CEP112: variants seen among roughly 807,000 people sequenced by gnomAD.
CEP112 encodes centrosomal protein of 112 kDa.
A neutral mutation model predicts 153.0 loss-of-function variants in CEP112; 127 were observed. The observed-to-expected ratio is 0.83, with a 90% CI of 0.72 to 0.96. CEP112 has a LOEUF of 0.96. Ranked by LOEUF, CEP112 falls within the 40% of genes least tolerant of loss-of-function variation. CEP112 has a pLI of 0.00. For synonymous variants in CEP112, 358 were observed against 374.4 expected (o/e 0.96, Z 0.51); for missense variants, 1,089 against 1,101.2 (o/e 0.99, Z 0.16).
At chr17:65,655,610 CT>C (rs2046024696) in intron 24 of CEP112, among the ~76,000 whole-genome samples, 1 of 152,036 alleles carries the variant, frequency 6.6e-6, no homozygotes. Flanking sequence ...TGCTTCTTTT[CT>C]GATAATTTAC....
chr17:65,956,293 C>T (rs2061998152), intron 18 of CEP112, among the ~76,000 whole-genome samples: 1 of 152,030 alleles, frequency 6.6e-6, no homozygotes, highest in African/African-American at 2.4e-5. Flanking sequence ...GAAAAAGATA[C>T]TTGCACATGC....
At position 65,937,645 on chromosome 17, in the gene CEP112, C is replaced by T. The variant is rs1273208877; in HGVS notation, c.1873-9956G>A. 5.9e-4 allele frequency among the ~76,000 whole-genome samples: 58 copies of T among 97,552 alleles called. 3 individuals carry two copies. Among genetic ancestry groups the T allele is most frequent in the South Asian group, 1.3e-3 (2 of 1,534 alleles). 64.0% of individuals were successfully genotyped at this position (97,552 alleles called of 152,430 possible). A position where few individuals can be genotyped will look rare whatever the true frequency, so the allele number is the denominator to read the frequency against. ...GGGGTCAGCCCCCCGCCCGGCCAGC[C>T]GCCCTGTCCGGGAGGTGAGGGGCGC... On this transcript the variant is annotated intron_variant, in intron 18 of 26. Transcript: ENST00000535342.
chr17:65,949,673 C>T (rs1392837323), intron 18 of CEP112, among the ~76,000 whole-genome samples: 2 of 152,198 alleles, frequency 1.3e-5, no homozygotes, highest in East Asian at 1.9e-4. Context: ...GAAGTAAGAT[C>T]GAATACAGAC....
intron 23 of CEP112, among the ~76,000 whole-genome samples, chr17:65,714,965 T>C (rs2049415924): frequency 1.3e-5 from 2 of 151,950 alleles, no homozygotes; most frequent in Admixed American, 1.3e-4. Flanking sequence ...GATTGACTTA[T>C]TTGCAACGGT....
intron 6 of CEP112, among the ~76,000 whole-genome samples, chr17:66,098,601 A>G (rs1279837816): frequency 6.6e-6 from 1 of 152,250 alleles, no homozygotes; most frequent in Non-Finnish European, 1.5e-5. Flanking sequence ...ATATAGCAAT[A>G]GACAGGATAT....
chr17:65,699,545 T>C (rs1298290560), intron 23 of CEP112, among the ~76,000 whole-genome samples: 1 of 152,220 alleles, frequency 6.6e-6, no homozygotes, highest in Non-Finnish European at 1.5e-5. Context: ...TCCCTTTTGC[T>C]AAGTCCCTTC....
At chr17:65,951,989 A>T (rs2061851373) in intron 18 of CEP112, among the ~76,000 whole-genome samples, 1 of 152,110 alleles carries the variant, frequency 6.6e-6, no homozygotes, top group East Asian at 1.9e-4. Context: ...CCCATTAGTT[A>T]TTTAAAAGTG....
chr17:65,711,635 G>A (rs1329926007), intron 23 of CEP112, among the ~76,000 whole-genome samples: 2 of 152,196 alleles, frequency 1.3e-5, no homozygotes, highest in African/African-American at 2.4e-5. Flanking sequence ...GCACTCTCCA[G>A]CTTTTTAGAA....
intron 25 of CEP112, among the ~76,000 whole-genome samples, chr17:65,639,643 C>T (rs1369574486): frequency 6.8e-6 from 1 of 147,448 alleles, no homozygotes; most frequent in Non-Finnish European, 1.5e-5. Context: ...TGAGATAGCA[C>T]CACTGAACTC....
intron 21 of CEP112, among the ~76,000 whole-genome samples, chr17:65,821,538 ATATTTTTTTTTTTTTTTT>A (rs1428919358): frequency 1.8e-4 from 7 of 39,140 alleles, no homozygotes; most frequent in South Asian, 1.4e-3. Flanking sequence ...ATATATATAT[ATATTTTTTTTTTTTTTTT>A]TTTTTTTTTT....
intron 23 of CEP112, among the ~76,000 whole-genome samples, chr17:65,693,605 A>T (rs1472361894): frequency 6.6e-6 from 1 of 152,190 alleles, no homozygotes; most frequent in Non-Finnish European, 1.5e-5. Flanking sequence ...AGGCTTTAAG[A>T]TGGAGTGACC....
chr17:65,755,002 G>A lies in CEP112; in HGVS notation c.2395-4278C>T, dbSNP rs1437784856. Among the ~76,000 whole-genome samples the A allele has an allele frequency of 2.6e-5, 4 of 151,946 alleles. No homozygotes were observed. The East Asian group carries it at 7.7e-4, about 29-fold the overall frequency. On this transcript the variant is annotated intron_variant, in intron 21 of 26. Transcript: ENST00000535342. ...GGGCTTGATACCTAGGTATGGGTTGGTCTGTGCAGCAAACCACCATGGCAC... is the reference window on the plus strand; with the variant it reads ...GGGCTTGATACCTAGGTATGGGTTGATCTGTGCAGCAAACCACCATGGCAC...
At chr17:65,931,225 T>C (rs917196070) in intron 18 of CEP112, among the ~76,000 whole-genome samples, 5 of 152,240 alleles carry the variant, frequency 3.3e-5, no homozygotes, top group African/African-American at 4.8e-5. Flanking sequence ...GTCTATCTCA[T>C]AGAAATCCAA....
chr17:65,640,160 T>A (rs1288281280), intron 25 of CEP112, among the ~76,000 whole-genome samples: 93 of 124,972 alleles, frequency 7.4e-4, no homozygotes, highest in African/African-American at 3.3e-3. Context: ...ATATATTTTT[T>A]TTTTTTTTTT....
At chr17:65,895,138 T>C (rs553125537) in intron 20 of CEP112, among the ~76,000 whole-genome samples, 5 of 152,210 alleles carry the variant, frequency 3.3e-5, no homozygotes, top group Non-Finnish European at 5.9e-5. Flanking sequence ...TTGGGCAATT[T>C]ATTTATGCTT....
intron 4 of CEP112, among the ~76,000 whole-genome samples, chr17:66,153,511 G>C (rs868759496): frequency 6.0e-5 from 9 of 150,738 alleles, no homozygotes; most frequent in African/African-American, 1.9e-4. Flanking sequence ...TGGGGCTCTG[G>C]GTATAAGTCC....
At chr17:65,693,318 C>T (rs2048206008) in intron 23 of CEP112, among the ~76,000 whole-genome samples, 1 of 152,156 alleles carries the variant, frequency 6.6e-6, no homozygotes, top group Non-Finnish European at 1.5e-5. Context: ...ACACCAGTCA[C>T]TTGTCATCTA....
chr17:66,105,724 T>C (rs1321595937), intron 6 of CEP112, among the ~76,000 whole-genome samples: 1 of 151,860 alleles, frequency 6.6e-6, no homozygotes, highest in Admixed American at 6.6e-5. Context: ...AATCCAGGAG[T>C]CAGAGGTTGC....
chr17:65,965,045 T>C (rs1377360701), intron 17 of CEP112, among the ~76,000 whole-genome samples: 2 of 152,202 alleles, frequency 1.3e-5, no homozygotes, highest in Non-Finnish European at 2.9e-5. Context: ...CCTATCTATG[T>C]TGAAAGTCAG....
Sources: gnomAD v4.1 joint callset for allele counts (sites outside exome capture counted in the v4.1 genomes callset) on GRCh38, gnomAD v4.1.1 for gene constraint, MANE v1.5 for transcripts, NCBI Gene and HGNC (gene_info 2026-07-23, HGNC 2026-07-21) for gene names.